The following ZNF420 variants were observed in gnomAD, a reference collection of about 807,000 sequenced individuals.
The protein encoded by ZNF420 is ATM and p53-associated KZNF protein.
A neutral mutation model predicts 44.7 loss-of-function variants in ZNF420; 31 were observed. The observed-to-expected ratio is 0.69, with a 90% confidence interval of 0.52 to 0.94. The LOEUF is 0.94. ZNF420 is among the 40% of genes least tolerant of loss of function. The pLI, the probability that ZNF420 is intolerant of heterozygous loss-of-function variation, is 0.00. For missense variants in ZNF420, 681 were observed against 827.9 expected (o/e 0.82, Z 2.18); for synonymous variants, 245 against 267.4 (o/e 0.92, Z 0.82).
Position 37,127,514 on chromosome 19 carries a change from G to C in ZNF420, c.523G>C (p.Ala175Pro), listed in dbSNP as rs753363382. ...KPYECKQCGK[A>P]FSRDSQLSLH... ...CTATGAATGTAAGCAATGCGGGAAGGCCTTTAGTCGTGATTCACAACTCAG... is the reference window on the plus strand; with the variant it reads ...CTATGAATGTAAGCAATGCGGGAAGCCCTTTAGTCGTGATTCACAACTCAG... Residue 175 changes from alanine to proline, a missense_variant, in exon 5 of 5, where the codon GCC becomes CCC. This residue lies in a region of ZNF420 where 350 missense variants were observed against 382.5 expected (regional missense o/e 0.92). Transcript: ENST00000337995. 1 of 1,613,698 alleles carries C rather than the reference G, an allele frequency of 6.2e-7. No individual in the cohort carries two copies. The highest frequency in any genetic ancestry group is 1.3e-5 in the African/African-American group (1 of 74,860).
At chr19:37,100,496 T>G (rs1193482552) in intron 4 of ZNF420, among the ~76,000 whole-genome samples, 2 of 152,170 alleles carry the variant, frequency 1.3e-5, no homozygotes, top group Non-Finnish European at 2.9e-5. Context: ...GTGGATCACC[T>G]GAGGCCAGGA....
chr19:37,012,246 C>A (rs1360133700), intron 1 of ZNF420, among the ~76,000 whole-genome samples: 1 of 152,202 alleles, frequency 6.6e-6, no homozygotes, highest in African/African-American at 2.4e-5. Context: ...ATCCAGGTGC[C>A]CTCCTACCGC....
rs568987924 is a variant in ZNF420, at chr19:37,066,450, T to C, written c.-124-13895T>C. ...AGTCTGTCTCAAAAAAAAAAAGAAC[T>C]TCTATAACTCAACAATAAAAAGATG... On this transcript the variant is annotated intron_variant, in intron 1 of 4. Coordinates refer to the ZNF420 transcript ENST00000587029. Among the ~76,000 whole-genome samples the C allele has an allele frequency of 2.0e-5, 3 of 149,364 alleles. No individual in the cohort carries two copies. In the East Asian group the frequency reaches 5.8e-4, roughly 29 times the overall value.
chr19:37,082,814 C>T lies in ZNF420; in HGVS notation c.-81+2426C>T, dbSNP rs1156425955. On this transcript the variant is annotated intron_variant, in intron 2 of 4. Coordinates refer to ENST00000337995, the MANE Select transcript of ZNF420 (RefSeq NM_144689.5). ...TGCCAGCTGGAAATGCAGTTATGCT[C>T]ATTTGTTTTATATTGCTTTTCATGT... 2.0e-5 allele frequency among the ~76,000 whole-genome samples: 3 copies of T among 152,268 alleles called. No individual in the cohort carries two copies. The East Asian group carries it at 5.8e-4, about 29-fold the overall frequency.
intron 1 of ZNF420, among the ~76,000 whole-genome samples, chr19:37,025,598 T>G (rs565480184): frequency 6.6e-6 from 1 of 152,186 alleles, no homozygotes; most frequent in Non-Finnish European, 1.5e-5. Context: ...TGGATTATCT[T>G]GATTCATCTT....
intron 4 of ZNF420, among the ~76,000 whole-genome samples, chr19:37,093,326 G>A (rs758420894): frequency 1.3e-5 from 2 of 152,086 alleles, no homozygotes; most frequent in African/African-American, 2.4e-5. Flanking sequence ...GGGCTCAAGC[G>A]ATTCTCCTTC....
intron 1 of ZNF420, among the ~76,000 whole-genome samples, chr19:37,021,044 G>A (rs1457394457): frequency 6.6e-6 from 1 of 152,152 alleles, no homozygotes; most frequent in Non-Finnish European, 1.5e-5. Flanking sequence ...AATTTTATGT[G>A]TATTTCACAA....
chr19:37,063,187 T>C (rs563763730), intron 1 of ZNF420, among the ~76,000 whole-genome samples: 1 of 152,312 alleles, frequency 6.6e-6, no homozygotes, highest in African/African-American at 2.4e-5. Flanking sequence ...AAGTAAATTG[T>C]TGACCTAATG....
At chr19:37,087,178 C>G (rs553468581) in intron 2 of ZNF420, among the ~76,000 whole-genome samples, 1 of 151,546 alleles carries the variant, frequency 6.6e-6, no homozygotes, top group South Asian at 2.1e-4. Context: ...CTAGCTACTT[C>G]GAAGGCTGAG....
At chr19:37,033,098 T>A (rs1967292789) in intron 1 of ZNF420, among the ~76,000 whole-genome samples, 1 of 152,234 alleles carries the variant, frequency 6.6e-6, no homozygotes, top group Non-Finnish European at 1.5e-5. Flanking sequence ...TGAGGGAGAC[T>A]TCATTTTAGC....
intron 1 of ZNF420, among the ~76,000 whole-genome samples, chr19:37,052,228 A>T (rs1967652156): frequency 6.6e-6 from 1 of 151,796 alleles, no homozygotes; most frequent in Non-Finnish European, 1.5e-5. Context: ...ATCTTCCTCC[A>T]TCCCTTTATT....
chr19:37,087,294 T>TA (rs1161104499), intron 2 of ZNF420, among the ~76,000 whole-genome samples: 1 of 79,698 alleles, frequency 1.3e-5, no homozygotes, highest in Non-Finnish European at 2.5e-5. Flanking sequence ...AAAAAAAAAA[T>TA]AAATAAATAA....
rs192268044 is a variant in ZNF420, at chr19:37,014,649, G to A, written c.-125+6567G>A. Among the ~76,000 whole-genome samples, 11 of 152,258 alleles carry A rather than the reference G, an allele frequency of 7.2e-5. No individual in the cohort carries two copies. The East Asian group carries it at 1.7e-3, about 24-fold the overall frequency. ...CGCCTGACAGCCCTGACATTGCAGC[G>A]CGCGCGAGCCGACCACGACAATGCG... On this transcript the variant is annotated intron_variant, in intron 1 of 4. Coordinates refer to the ZNF420 transcript ENST00000587029.
At chr19:37,057,399 C>G (rs1302889811) in intron 1 of ZNF420, among the ~76,000 whole-genome samples, 1 of 151,910 alleles carries the variant, frequency 6.6e-6, no homozygotes, top group Non-Finnish European at 1.5e-5. Flanking sequence ...TCAGGGGTTG[C>G]CTGGGGCTGT....
At chr19:37,027,424 ATAT>A (rs955951560) in intron 1 of ZNF420, among the ~76,000 whole-genome samples, 1 of 152,180 alleles carries the variant, frequency 6.6e-6, no homozygotes, top group Non-Finnish European at 1.5e-5. Context: ...GCCAATATTA[ATAT>A]TATTAAGTTC....
At chr19:37,066,508 A>C (rs924896641) in intron 1 of ZNF420, among the ~76,000 whole-genome samples, 8 of 152,152 alleles carry the variant, frequency 5.3e-5, no homozygotes, top group Non-Finnish European at 2.9e-5. Flanking sequence ...AAAAATTTTG[A>C]CCAGATACTT....
At chr19:37,058,508 T>G (rs2146436117) in intron 1 of ZNF420, among the ~76,000 whole-genome samples, 1 of 152,164 alleles carries the variant, frequency 6.6e-6, no homozygotes, top group East Asian at 1.9e-4. Context: ...TGGGGCTGGG[T>G]GCAGGGGAGG....
intron 4 of ZNF420, among the ~76,000 whole-genome samples, chr19:37,113,219 A>T (rs572482591): frequency 6.6e-6 from 1 of 152,368 alleles, no homozygotes; most frequent in African/African-American, 2.4e-5. Flanking sequence ...GACATAAGTC[A>T]GGTGGCTCTT....
At chr19:37,090,025 G>A (rs1046354933) in intron 3 of ZNF420, among the ~76,000 whole-genome samples, 3 of 152,092 alleles carry the variant, frequency 2.0e-5, no homozygotes, top group African/African-American at 7.2e-5. Flanking sequence ...AGGTTTTACA[G>A]AAAAATTTTA....
Sources: gnomAD v4.1 joint callset for allele counts (sites outside exome capture counted in the v4.1 genomes callset) on GRCh38, gnomAD v4.1.1 for gene constraint, gnomAD v4.1.1 regional missense constraint, MANE v1.5 for transcripts, NCBI Gene and HGNC (gene_info 2026-07-23, HGNC 2026-07-21) for gene names.